Variants in TOX3 observed in about 807,000 individuals in gnomAD.
TOX3 encodes the protein CAG trinucleotide repeat-containing gene F9 protein.
In TOX3, 22 loss-of-function variants were observed where a neutral mutation model predicts 64.3. That is an observed-to-expected ratio of 0.34 (90% confidence interval 0.24 to 0.49). TOX3 has a LOEUF of 0.49. Among genes scored for constraint, TOX3 ranks in the 20% least tolerant of loss-of-function variants. TOX3 has a pLI of 0.99. For synonymous variants in TOX3, 291 were observed against 273.6 expected, an observed-to-expected ratio of 1.06 and a Z score of -0.63; for missense variants, 661 against 714.4, an observed-to-expected ratio of 0.93 and a Z score of 0.85.
chr16:52,440,763 T>C (rs1596767872), intron 6 of TOX3, among the ~76,000 whole-genome samples: 1 of 123,056 alleles, frequency 8.1e-6, no homozygotes, highest in African/African-American at 3.5e-5. Flanking sequence ...TTTTTTTTTT[T>C]TTTTTTTTTT....
chr16:52,468,433 G>GT, intron 2 of TOX3, 76 bp downstream of exon 2: 2 of 1,316,966 alleles, frequency 1.5e-6, no homozygotes, highest in South Asian at 2.5e-5. Flanking sequence ...TTGATACTTT[G>GT]TTTTTCCCTT....
intron 1 of TOX3, among the ~76,000 whole-genome samples, chr16:52,546,015 G>A (rs78867677): frequency 6.6e-6 from 1 of 152,182 alleles, no homozygotes; most frequent in African/African-American, 2.4e-5. Context: ...GAGGAAAGAA[G>A]CCACTTACTC....
At chr16:52,455,371 G>A (rs1005813392) in intron 3 of TOX3, among the ~76,000 whole-genome samples, 2 of 151,950 alleles carry the variant, frequency 1.3e-5, no homozygotes, top group East Asian at 1.9e-4. Flanking sequence ...ACCAGTAGCC[G>A]CCCTTTCCCT....
intron 1 of TOX3, among the ~76,000 whole-genome samples, chr16:52,493,524 ATTAC>A (rs1961757504): frequency 6.6e-6 from 1 of 152,238 alleles, no homozygotes; most frequent in Non-Finnish European, 1.5e-5. Flanking sequence ...TCTGAAGAGA[ATTAC>A]TTACTGGCAA....
chr16:52,476,705 G>A (rs985434777), intron 1 of TOX3, among the ~76,000 whole-genome samples: 7 of 152,108 alleles, frequency 4.6e-5, no homozygotes, highest in Admixed American at 1.3e-4. Context: ...CCTCCCTTCT[G>A]CCTGAAAGCC....
intron 1 of TOX3, among the ~76,000 whole-genome samples, chr16:52,510,778 A>AAAAAAAAAGAAG (rs574634087): frequency 1.7e-5 from 2 of 115,142 alleles, no homozygotes; most frequent in South Asian, 2.8e-4. Context: ...AAAAAAAAAA[A>AAAAAAAAAGAAG]AAGAAGAAGA....
At chr16:52,492,595 T>TATC (rs1555484971) in intron 1 of TOX3, among the ~76,000 whole-genome samples, 1 of 48,714 alleles carries the variant, frequency 2.1e-5, no homozygotes, top group Non-Finnish European at 4.1e-5. Context: ...ATATATATAT[T>TATC]CCTTAATTTT....
chr16:52,439,241 T>A lies in TOX3; in HGVS notation c.1715A>T (p.Gln572Leu). ...TATGCGTCTTCAGAAAATACTGACC[T>A]GCGATAATACTTGAGTCTGTGTCTG... ...QSQTQTQVLSQVSIF is the reference protein window; with the variant it reads ...QSQTQTQVLSLVSIF Residue 572 changes from glutamine (Q) to leucine (L), a missense_variant, in exon 7 of 7, where the codon CAG becomes CTG. Physicochemically the swap from Gln to Leu is moderately radical, Grantham distance 113. Transcript: ENST00000219746. The A allele has an allele frequency of 6.2e-7, 1 of 1,613,912 alleles. No homozygotes were observed. The highest frequency in any genetic ancestry group is 8.5e-7 in the Non-Finnish European group (1 of 1,179,844).
chr16:52,495,119 G>T (rs1038098826), intron 1 of TOX3, among the ~76,000 whole-genome samples: 3 of 152,068 alleles, frequency 2.0e-5, no homozygotes, highest in African/African-American at 4.8e-5. Context: ...GATAATACTG[G>T]TGCTAAACTT....
chr16:52,509,759 A>C (rs1403163813), intron 1 of TOX3, among the ~76,000 whole-genome samples: 1 of 152,224 alleles, frequency 6.6e-6, no homozygotes, highest in Non-Finnish European at 1.5e-5. Flanking sequence ...ATATAAACAC[A>C]TTCATTGCTA....
At chr16:52,489,289 C>A (rs1035185591) in intron 1 of TOX3, among the ~76,000 whole-genome samples, 1 of 152,008 alleles carries the variant, frequency 6.6e-6, no homozygotes, top group East Asian at 1.9e-4. Flanking sequence ...TAATCTTGTA[C>A]CTCCCTCCCC....
intron 1 of TOX3, among the ~76,000 whole-genome samples, chr16:52,505,177 A>G (rs1962127597): frequency 6.6e-6 from 1 of 152,170 alleles, no homozygotes; most frequent in South Asian, 2.1e-4. Context: ...AGATCCGTTA[A>G]AGAGAGAACT....
chr16:52,463,828 C>T (rs1367875555), intron 3 of TOX3, 106 bp downstream of exon 3: 1 of 1,334,002 alleles, frequency 7.5e-7, no homozygotes. Context: ...TAGAATCAAT[C>T]CACTAGGAAC....
intron 1 of TOX3, among the ~76,000 whole-genome samples, chr16:52,512,830 A>G (rs1962346703): frequency 6.6e-6 from 1 of 152,200 alleles, no homozygotes; most frequent in Non-Finnish European, 1.5e-5. Flanking sequence ...AAAAAAAAGA[A>G]GAAGAAGAAA....
chr16:52,440,281 C>A (rs1006182729), intron 6 of TOX3, among the ~76,000 whole-genome samples: 16 of 152,210 alleles, frequency 1.1e-4, no homozygotes, highest in East Asian at 3.9e-4. Context: ...ACATGTGGCC[C>A]AATTACCCCC....
At chr16:52,509,385 A>G (rs1273116773) in intron 1 of TOX3, among the ~76,000 whole-genome samples, 1 of 152,222 alleles carries the variant, frequency 6.6e-6, no homozygotes, top group Admixed American at 6.5e-5. Context: ...CCTTTTAATT[A>G]GCATGTTATC....
intron 1 of TOX3, among the ~76,000 whole-genome samples, chr16:52,495,336 G>A (rs1288519136): frequency 2.6e-5 from 4 of 152,102 alleles, no homozygotes; most frequent in Admixed American, 1.3e-4. Context: ...ATAGAGAACA[G>A]CCATGTGACT....
intron 1 of TOX3, among the ~76,000 whole-genome samples, chr16:52,543,813 C>G (rs947554515): frequency 3.9e-5 from 6 of 152,180 alleles, no homozygotes; most frequent in African/African-American, 1.4e-4. Context: ...AGACACAGTA[C>G]ACTTTCATGA....
intron 3 of TOX3, among the ~76,000 whole-genome samples, chr16:52,463,161 A>C (rs1198074799): frequency 6.6e-6 from 1 of 152,316 alleles, no homozygotes; most frequent in Admixed American, 6.5e-5. Flanking sequence ...AAAAAGCTCT[A>C]TAAACTATTA....
Sources: allele counts gnomAD v4.1 joint callset (sites outside exome capture counted in the v4.1 genomes callset), GRCh38; gene constraint gnomAD v4.1.1; transcripts MANE v1.5; gene names NCBI Gene and HGNC (gene_info 2026-07-23, HGNC 2026-07-21).